PCDH7: variants seen among roughly 807,000 people sequenced by gnomAD.
The protein encoded by PCDH7 is protocadherin-7.
Under a neutral mutation model 58.9 loss-of-function variants are expected in PCDH7, and 17 were observed. The observed-to-expected ratio is 0.29, with a 90% confidence interval of 0.20 to 0.43. The LOEUF is 0.43. PCDH7 is among the 20% of genes least tolerant of loss of function. The pLI is 1.00. For missense variants in PCDH7, 1,274 were observed against 1,441.0 expected (o/e 0.88, Z 1.88); for synonymous variants, 664 against 616.4 (o/e 1.08, Z -1.14).
At chr4:30,793,279 C>T (rs2109300338) in intron 1 of PCDH7, among the ~76,000 whole-genome samples, 1 of 152,236 alleles carries the variant, frequency 6.6e-6, no homozygotes, top group South Asian at 2.1e-4. Context: ...GGAAGAAATA[C>T]AATATGTATC....
At chr4:31,136,904 C>CATTT (rs10631552) in intron 3 of PCDH7, among the ~76,000 whole-genome samples, 81,558 of 151,704 alleles carry the variant, frequency 0.54, 23,592 homozygotes, top group African/African-American at 0.77. Context: ...GGTTAACCAG[C>CATTT]ATTTAATTAT....
intron 1 of PCDH7, among the ~76,000 whole-genome samples, chr4:30,903,545 T>C (rs1740503785): frequency 1.3e-5 from 2 of 152,260 alleles, no homozygotes; most frequent in Middle Eastern, 3.4e-3. Flanking sequence ...TATAGAGCAC[T>C]CTACAGTGTA....
intron 1 of PCDH7, among the ~76,000 whole-genome samples, chr4:30,813,008 A>G (rs1396823793): frequency 6.6e-6 from 1 of 152,196 alleles, no homozygotes; most frequent in African/African-American, 2.4e-5. Context: ...AGGCAACTCA[A>G]TCAGAATTCC....
chr4:30,776,655 T>C (rs1722106252), intron 1 of PCDH7, among the ~76,000 whole-genome samples: 1 of 152,178 alleles, frequency 6.6e-6, no homozygotes, highest in Admixed American at 6.5e-5. Flanking sequence ...GAATTATCAT[T>C]GAAAAAAATG....
At chr4:30,880,211 T>C (rs1736789787) in intron 1 of PCDH7, among the ~76,000 whole-genome samples, 1 of 151,850 alleles carries the variant, frequency 6.6e-6, no homozygotes. Flanking sequence ...AAAGGCAATA[T>C]ATGTTGCTTC....
chr4:31,073,912 C>T (rs1758762452), intron 3 of PCDH7, among the ~76,000 whole-genome samples: 1 of 152,078 alleles, frequency 6.6e-6, no homozygotes, highest in African/African-American at 2.4e-5. Flanking sequence ...AGTGCATACT[C>T]CTAACTTTGT....
chr4:30,833,153 G>A (rs977609573), intron 1 of PCDH7, among the ~76,000 whole-genome samples: 2 of 152,178 alleles, frequency 1.3e-5, no homozygotes, highest in African/African-American at 4.8e-5. Flanking sequence ...TATGTCTGTA[G>A]ACATTATAGT....
At chr4:30,749,377 A>G (rs984180424) in intron 1 of PCDH7, among the ~76,000 whole-genome samples, 4 of 152,134 alleles carry the variant, frequency 2.6e-5, no homozygotes, top group African/African-American at 9.7e-5. Flanking sequence ...CAATCGGTGC[A>G]AGTTTTTTTC....
chr4:31,028,468 T>G (rs183948112), intron 3 of PCDH7, among the ~76,000 whole-genome samples: 277 of 152,230 alleles, frequency 1.8e-3, no homozygotes, highest in African/African-American at 6.4e-3. Context: ...CTGGGCAATA[T>G]AGTGAGACCC....
At chr4:31,077,225 AC>A (rs1306938487) in intron 3 of PCDH7, among the ~76,000 whole-genome samples, 2 of 151,990 alleles carry the variant, frequency 1.3e-5, no homozygotes, top group South Asian at 4.1e-4. Flanking sequence ...AGCCTGACCA[AC>A]ATGGAGAAAC....
chr4:30,984,103 C>A (rs1458195467), intron 3 of PCDH7, among the ~76,000 whole-genome samples: 1 of 152,092 alleles, frequency 6.6e-6, no homozygotes, highest in East Asian at 1.9e-4. Context: ...AAACACATTC[C>A]AAATTCAAAC....
At chr4:31,013,255 A>G (rs144828871) in intron 3 of PCDH7, among the ~76,000 whole-genome samples, 5 of 150,646 alleles carry the variant, frequency 3.3e-5, no homozygotes, top group African/African-American at 7.2e-5. Context: ...CACACATGGA[A>G]GTATTTCTGT....
chr4:30,920,436 G>T, intron 2 of PCDH7, 67 bp downstream of exon 2: 1 of 1,188,996 alleles, frequency 8.4e-7, no homozygotes, highest in Non-Finnish European at 1.1e-6. Context: ...GACTCGCGAA[G>T]GTCAGTCTAA....
intron 3 of PCDH7, among the ~76,000 whole-genome samples, chr4:31,095,935 A>G (rs1578783485): frequency 6.6e-6 from 1 of 152,280 alleles, no homozygotes; most frequent in Admixed American, 6.5e-5. Context: ...ATAAATTGTT[A>G]CCTATGTAAA....
chr4:31,026,263 A>C (rs1754414978), intron 3 of PCDH7, among the ~76,000 whole-genome samples: 1 of 152,178 alleles, frequency 6.6e-6, no homozygotes, highest in Non-Finnish European at 1.5e-5. Context: ...TTCTAAGTAC[A>C]GTGTCATTTG....
rs753751668 is a variant in PCDH7 at position 30,723,113 on chromosome 4, G to A, written c.1691G>A (p.Ser564Asn). The A allele has an allele frequency of 1.9e-6, 3 of 1,613,898 alleles. No individual in the cohort carries two copies. Among genetic ancestry groups the A allele is most frequent in the Non-Finnish European group, 1.7e-6 (2 of 1,180,064 alleles). ...ACGGTGCTGGCGACAGACGCAGACA[G>A]CGGTAAGAACGCCGAGATCGCCTAC... The change falls in exon 1 of 2, where the codon AGC becomes AAC. Residue 564 changes from serine (S) to asparagine (N), a missense_variant. Around this residue, in one of 3 missense-constraint regions of PCDH7, gnomAD observed 731 missense variants for 881.9 expected, o/e 0.83. Coordinates refer to ENST00000361762, the Ensembl canonical transcript of PCDH7. The surrounding 1 kb of genome is among the most constrained non-coding windows in gnomAD (Gnocchi z 4.6).
intron 3 of PCDH7, among the ~76,000 whole-genome samples, chr4:31,062,367 A>C (rs1757754819): frequency 6.6e-6 from 1 of 151,792 alleles, no homozygotes; most frequent in Non-Finnish European, 1.5e-5. Context: ...AAAGGAACCA[A>C]TATAGATGCT....
At chr4:30,794,838 A>C (rs991855243) in intron 1 of PCDH7, among the ~76,000 whole-genome samples, 1 of 152,154 alleles carries the variant, frequency 6.6e-6, no homozygotes, top group African/African-American at 2.4e-5. Context: ...GACAAACACA[A>C]AGATGTGTTA....
At chr4:31,040,035 G>T (rs750667519) in intron 3 of PCDH7, among the ~76,000 whole-genome samples, 34 of 152,206 alleles carry the variant, frequency 2.2e-4, no homozygotes, top group South Asian at 1.0e-3. Context: ...TATCAGTAGT[G>T]CAAATGCCCA....
Sources: allele counts gnomAD v4.1 joint callset (sites outside exome capture counted in the v4.1 genomes callset), GRCh38; gene constraint gnomAD v4.1.1; regional missense constraint gnomAD v4.1.1; non-coding constraint Gnocchi (gnomAD v3.1); transcripts MANE v1.5; gene names NCBI Gene and HGNC (gene_info 2026-07-23, HGNC 2026-07-21).